VCAN: variants seen among roughly 807,000 people sequenced by gnomAD.
VCAN encodes versican, also known as versican core protein.
In VCAN, 44 loss-of-function variants were observed where a neutral mutation model predicts 245.5. The ratio of observed to expected loss-of-function variants is 0.18; its 90% confidence interval spans 0.14 to 0.23. The LOEUF is 0.23. Ranked by LOEUF, VCAN falls within the 10% of genes least tolerant of loss-of-function variation. The pLI is 1.00. For synonymous variants in VCAN, 1,413 were observed against 1,437.0 expected, an observed-to-expected ratio of 0.98 and a Z score of 0.38; for missense variants, 3,793 against 4,057.9, an observed-to-expected ratio of 0.93 and a Z score of 1.77.
chr5:83,545,867 C>T (rs1355097511), intron 9 of VCAN, among the ~76,000 whole-genome samples: 38 of 152,058 alleles, frequency 2.5e-4, no homozygotes, highest in Admixed American at 2.5e-3. Flanking sequence ...CTCAGTGAGG[C>T]CTGCTGAGTC....
chr5:83,502,783 T>G (rs1003726874), intron 5 of VCAN, among the ~76,000 whole-genome samples: 1 of 152,192 alleles, frequency 6.6e-6, no homozygotes, highest in African/African-American at 2.4e-5. Flanking sequence ...AGGTTAACAT[T>G]TTTAAAACTC....
At chr5:83,547,762 G>A (rs1580055549) in intron 9 of VCAN, among the ~76,000 whole-genome samples, 1 of 152,286 alleles carries the variant, frequency 6.6e-6, no homozygotes, top group East Asian at 1.9e-4. Flanking sequence ...ACTTATATTT[G>A]AGTTTCAAGT....
chr5:83,538,482 A>G lies in VCAN; in HGVS notation c.5479A>G (p.Ser1827Gly), dbSNP rs759936322. 9.3e-6 allele frequency: 15 copies of G among 1,613,964 alleles called. No homozygotes were observed. In the East Asian group the frequency reaches 3.3e-4, roughly 36 times the overall value. The change falls in exon 8 of 15, where the codon AGT becomes GGT. Residue 1827 changes from serine to glycine, a missense_variant. Ser to Gly is a moderately conservative substitution (Grantham distance 56). Around this residue, in one of 5 missense-constraint regions of VCAN, gnomAD observed 3,182 missense variants for 3,250.3 expected, o/e 0.98. Coordinates refer to ENST00000265077, the MANE Select transcript of VCAN (RefSeq NM_004385.5). ...VQEGLTTLPR[S>G]PASVFMEQGS... ...GGAAGGGCTGACCACTCTCCCACGTAGTCCTGCCTCTGTCTTTATGGAGCA... is the reference window on the plus strand; with the variant it reads ...GGAAGGGCTGACCACTCTCCCACGTGGTCCTGCCTCTGTCTTTATGGAGCA...
At chr5:83,527,154 T>C (rs1274008756) in intron 7 of VCAN, among the ~76,000 whole-genome samples, 1 of 152,176 alleles carries the variant, frequency 6.6e-6, no homozygotes, top group Admixed American at 6.6e-5. Flanking sequence ...GGCATTCTAG[T>C]GGTTTGTTAA....
Position 83,522,185 on chromosome 5 carries a change from A to G in VCAN, c.3879A>G (p.Pro1293=). The G allele has an allele frequency of 1.2e-6, 2 of 1,607,844 alleles. No individual in the cohort carries two copies. Among genetic ancestry groups the G allele is most frequent in the Non-Finnish European group, 1.7e-6 (2 of 1,179,950 alleles). Residue 1293 remains proline (P), a synonymous_variant, in exon 7 of 15, where the codon CCA becomes CCG. Transcript: ENST00000265077. ...SSPPATQPTR[P]PTVEDKEAFG... is the part of the protein sequence containing the mutation. ...CTCCTGCTACACAGCCAACAAGACC[A>G]CCCACTGTGGAAGACAAAGAGGCCT...
At chr5:83,568,549 G>A (rs903224168) in intron 12 of VCAN, among the ~76,000 whole-genome samples, 3 of 152,112 alleles carry the variant, frequency 2.0e-5, no homozygotes, top group East Asian at 1.9e-4. Context: ...CATGGAGTCC[G>A]AATCTCATTT....
chr5:83,554,863 G>T, intron 11 of VCAN, 93 bp from the exon 12 acceptor site: 3 of 1,161,780 alleles, frequency 2.6e-6, no homozygotes, highest in Admixed American at 1.8e-5. Context: ...TAAAGAGGAT[G>T]CATGATTCAT....
chr5:83,497,991 G>C (rs1234840087), intron 5 of VCAN, among the ~76,000 whole-genome samples: 1 of 152,120 alleles, frequency 6.6e-6, no homozygotes, highest in Admixed American at 6.5e-5. Context: ...CTTGTCCCCA[G>C]ACCTGACAAA....
intron 10 of VCAN, 148 bp from the exon 11 acceptor site, chr5:83,553,216 C>G: frequency 9.9e-7 from 1 of 1,014,834 alleles, no homozygotes; most frequent in Non-Finnish European, 1.5e-6. Flanking sequence ...ATAATAATTT[C>G]TTTGTCATCG....
intron 2 of VCAN, among the ~76,000 whole-genome samples, chr5:83,484,967 G>A (rs1056983455): frequency 6.6e-6 from 1 of 152,166 alleles, no homozygotes; most frequent in African/African-American, 2.4e-5. Flanking sequence ...CAGTGATCAA[G>A]GGGAAAGTAG....
In VCAN at chr5:83,538,197, A is replaced by G; in HGVS notation, c.5194A>G (p.Thr1732Ala). Residue 1732 changes from threonine to alanine, a missense_variant, in exon 8 of 15, where the codon ACA becomes GCA. Coordinates refer to ENST00000265077, the MANE Select transcript of VCAN (RefSeq NM_004385.5). ...GAAAAGGAAGGAGGAGGAGGGAACT[A>G]CAGGTACGGCTTCTACATTTGAGGT... ...EKKRKEEEGT[T>A]GTASTFEVYS... 6.2e-7 allele frequency: 1 copy of G among 1,613,944 alleles called. No homozygotes were observed. Among genetic ancestry groups the G allele is most frequent in the African/African-American group, 1.3e-5 (1 of 75,050 alleles).
Position 83,537,077 on chromosome 5 carries a change from T to G in VCAN, c.4074T>G (p.Ser1358Arg), listed in dbSNP as rs779992827. The change falls in exon 8 of 15, where the codon AGT becomes AGG. Residue 1358 changes from serine to arginine, a missense_variant. Ser to Arg is a moderately radical substitution (Grantham distance 110). Around this residue, in one of 5 missense-constraint regions of VCAN, gnomAD observed 3,182 missense variants for 3,250.3 expected, o/e 0.98. Coordinates refer to ENST00000265077, the MANE Select transcript of VCAN (RefSeq NM_004385.5). The stretch of plus-strand genomic sequence containing the variant: ...AATCTAAAGAAGATGAACCTTGTAG[T>G]GAAGAAACAGATCCAGTGCATGATC... ...DSESKEDEPC[S>R]EETDPVHDLM... The G allele has an allele frequency of 6.2e-7, 1 of 1,613,704 alleles. No homozygotes were observed. The highest frequency in any genetic ancestry group is 1.1e-5 in the South Asian group (1 of 91,034).
rs764734647 is a variant in VCAN, at chr5:83,539,241, G to A, written c.6238G>A (p.Val2080Ile). ...TCCAGTAGAGAAGGAGGAAGTAAAG[G>A]TCAGTGGCACAGTTTCAACAAACTT... ...KAPVEKEEVK[V>I]SGTVSTNFPQ... The change falls in exon 8 of 15, where the codon GTC (valine) becomes ATC (isoleucine). Residue 2080 changes from valine to isoleucine, a missense_variant. Val to Ile is a conservative substitution (Grantham distance 29, BLOSUM62 3). This residue lies in a region of VCAN where 3,182 missense variants were observed against 3,250.3 expected (regional missense o/e 0.98). Transcript: ENST00000265077. 3.1e-6 allele frequency: 5 copies of A among 1,613,906 alleles called. No homozygotes were observed. The highest frequency in any genetic ancestry group is 8.5e-7 in the Non-Finnish European group (1 of 1,179,974).
chr5:83,474,883 C>T (rs188755059), intron 1 of VCAN, among the ~76,000 whole-genome samples: 4 of 152,156 alleles, frequency 2.6e-5, no homozygotes, highest in African/African-American at 9.7e-5. Context: ...TTGCTTGCTT[C>T]TTGGGAGTGG....
chr5:83,549,354 A>G (rs1230266064), intron 10 of VCAN, among the ~76,000 whole-genome samples: 1 of 152,222 alleles, frequency 6.6e-6, no homozygotes, highest in African/African-American at 2.4e-5. Context: ...CAGACTATCA[A>G]ATGCATCCTG....
intron 2 of VCAN, among the ~76,000 whole-genome samples, chr5:83,485,372 C>T (rs951494733): frequency 6.8e-6 from 1 of 147,216 alleles, no homozygotes. Context: ...TCATTGCACT[C>T]TAGCCTGGGC....
Position 83,541,214 on chromosome 5 carries a change from A to G in VCAN, c.8211A>G (p.Ile2737Met), listed in dbSNP as rs1358282399. 1 of 1,613,896 alleles carries G rather than the reference A, an allele frequency of 6.2e-7. No individual in the cohort carries two copies. Among genetic ancestry groups the G allele is most frequent in the Non-Finnish European group, 8.5e-7 (1 of 1,180,012 alleles). Residue 2737 changes from isoleucine (I) to methionine (M), a missense_variant, in exon 8 of 15, where the codon ATA becomes ATG. By Grantham distance (10) the Ile-to-Met change is conservative. Coordinates refer to ENST00000265077, the MANE Select transcript of VCAN (RefSeq NM_004385.5). Reference protein sequence around the residue: ...DGQAIADQSEIIPTLGQFERT... With the variant: ...DGQAIADQSEMIPTLGQFERT... ...AAGCTATTGCAGACCAAAGTGAAAT[A>G]ATACCAACATTGGGCCAATTTGAAA...
intron 8 of VCAN, among the ~76,000 whole-genome samples, chr5:83,542,694 G>A (rs1441088842): frequency 6.6e-6 from 1 of 152,126 alleles, no homozygotes; most frequent in African/African-American, 2.4e-5. Context: ...ATCAAAATCT[G>A]TCAGGCCTTT....
Position 83,580,668 on chromosome 5 carries a change from T to C in VCAN, c.*234T>C. ...AGAAAGTAAGCATTTCCAGCCTATCTAATTTCTTTAGTTTTCTATTTGCCT... is the reference window on the plus strand; with the variant it reads ...AGAAAGTAAGCATTTCCAGCCTATCCAATTTCTTTAGTTTTCTATTTGCCT... On this transcript the variant is annotated 3_prime_UTR_variant, in exon 15 of 15. Coordinates refer to ENST00000265077, the MANE Select transcript of VCAN (RefSeq NM_004385.5). 1.8e-6 allele frequency: 1 copy of C among 558,808 alleles called. No individual in the cohort carries two copies. Among genetic ancestry groups the C allele is most frequent in the Non-Finnish European group, 3.1e-6 (1 of 325,468 alleles). 34.6% of individuals were successfully genotyped at this position (558,808 alleles called of 1,614,324 possible).
Sources: allele counts gnomAD v4.1 joint callset (sites outside exome capture counted in the v4.1 genomes callset), GRCh38; gene constraint gnomAD v4.1.1; regional missense constraint gnomAD v4.1.1; transcripts MANE v1.5; gene names NCBI Gene and HGNC (gene_info 2026-07-23, HGNC 2026-07-21).